MYO1B: variants seen among roughly 807,000 people sequenced by gnomAD.
MYO1B encodes the protein unconventional myosin-Ib.
Under a neutral mutation model 159.7 loss-of-function variants are expected in MYO1B, and 72 were observed. That is an observed-to-expected ratio of 0.45 (90% CI 0.37 to 0.55). The LOEUF is 0.55. MYO1B is among the 20% of genes least tolerant of loss of function. MYO1B has a pLI of 0.00. For synonymous variants in MYO1B, 468 were observed against 473.8 expected, an observed-to-expected ratio of 0.99 and a Z score of 0.16; for missense variants, 1,062 against 1,364.8, an observed-to-expected ratio of 0.78 and a Z score of 3.50.
intron 4 of MYO1B, among the ~76,000 whole-genome samples, chr2:191,341,073 C>T (rs1205398342): frequency 6.6e-6 from 1 of 152,116 alleles, no homozygotes; most frequent in African/African-American, 2.4e-5. Flanking sequence ...TGAAGAAGAG[C>T]AGTCTTTTAA....
At chr2:191,376,805 C>T (rs770728764) in intron 13 of MYO1B, among the ~76,000 whole-genome samples, 9 of 152,172 alleles carry the variant, frequency 5.9e-5, no homozygotes, top group Non-Finnish European at 1.2e-4. Context: ...TATTTACTGT[C>T]TTCCTTTCAA....
intron 4 of MYO1B, 150 bp from the exon 5 acceptor site, chr2:191,341,311 T>C: frequency 3.5e-6 from 2 of 567,802 alleles, no homozygotes; most frequent in East Asian, 6.1e-5. Flanking sequence ...CACAAATATT[T>C]TAGAAAGGTA....
At chr2:191,356,457 G>A (rs1308311709) in intron 7 of MYO1B, among the ~76,000 whole-genome samples, 1 of 150,700 alleles carries the variant, frequency 6.6e-6, no homozygotes, top group African/African-American at 2.4e-5. Flanking sequence ...TTTCAAAAGA[G>A]CAATGCTGTG....
At chr2:191,366,234 C>T (rs1316467394) in intron 11 of MYO1B, among the ~76,000 whole-genome samples, 1 of 152,130 alleles carries the variant, frequency 6.6e-6, no homozygotes, top group Non-Finnish European at 1.5e-5. Flanking sequence ...TTTAATCATC[C>T]TGTATGGGAA....
intron 1 of MYO1B, among the ~76,000 whole-genome samples, chr2:191,260,168 AATAAG>A (rs766426720): frequency 4.0e-5 from 6 of 150,340 alleles, no homozygotes; most frequent in Non-Finnish European, 5.9e-5. Flanking sequence ...CTTTGGTTAA[AATAAG>A]ATTGAGTGGG....
At chr2:191,409,256 T>C in intron 26 of MYO1B, 78 bp downstream of exon 26, 3 of 1,425,504 alleles carry the variant, frequency 2.1e-6, no homozygotes, top group South Asian at 1.2e-5. Flanking sequence ...AAATCAAAAC[T>C]GTTAACACAT....
At chr2:191,408,983 T>TA (rs1246133736) in intron 25 of MYO1B, 61 bp from the exon 26 acceptor site, 2 of 1,527,616 alleles carry the variant, frequency 1.3e-6, no homozygotes, top group African/African-American at 2.8e-5. Flanking sequence ...ATGATGTATG[T>TA]AAAACAGTGT....
At chr2:191,270,686 C>T (rs1687403810) in intron 1 of MYO1B, among the ~76,000 whole-genome samples, 1 of 152,218 alleles carries the variant, frequency 6.6e-6, no homozygotes, top group Admixed American at 6.5e-5. Flanking sequence ...AGACTTGGCT[C>T]CTCTTTTGCC....
intron 2 of MYO1B, among the ~76,000 whole-genome samples, chr2:191,284,680 T>G (rs149811722): frequency 7.6e-4 from 116 of 152,306 alleles, no homozygotes; most frequent in African/African-American, 2.7e-3. Flanking sequence ...TCCCCCAGGC[T>G]GGAGTACAGT....
intron 3 of MYO1B, among the ~76,000 whole-genome samples, chr2:191,326,853 T>C (rs1691131397): frequency 6.6e-6 from 1 of 151,666 alleles, no homozygotes; most frequent in Admixed American, 6.6e-5. Flanking sequence ...TGAAGTAATT[T>C]TGCATTATTT....
chr2:191,422,991 A>G (rs753611060), intron 30 of MYO1B, among the ~76,000 whole-genome samples: 1 of 152,246 alleles, frequency 6.6e-6, no homozygotes, highest in Non-Finnish European at 1.5e-5. Flanking sequence ...GGTAAATTGC[A>G]TTGATACAAT....
chr2:191,346,381 T>G, intron 6 of MYO1B, 99 bp downstream of exon 6: 1 of 739,442 alleles, frequency 1.4e-6, no homozygotes. Context: ...CACACATTTT[T>G]AAAATAAGAG....
chr2:191,334,399 C>A (rs1691691972), intron 4 of MYO1B, among the ~76,000 whole-genome samples: 1 of 152,144 alleles, frequency 6.6e-6, no homozygotes, highest in African/African-American at 2.4e-5. Flanking sequence ...GTTGCTAGTG[C>A]TGTTTCAGAG....
chr2:191,317,508 A>G (rs149233630), intron 3 of MYO1B, among the ~76,000 whole-genome samples: 78 of 152,326 alleles, frequency 5.1e-4, no homozygotes, highest in Middle Eastern at 3.4e-3. Context: ...CTTAAGTTGT[A>G]GGGTACATGT....
chr2:191,381,604 T>C, intron 14 of MYO1B, 38 bp downstream of exon 14: 1 of 1,396,764 alleles, frequency 7.2e-7, no homozygotes, highest in Non-Finnish European at 1.0e-6. Context: ...TGTTGGTCCT[T>C]TTTTACTCGT....
intron 23 of MYO1B, chr2:191,402,376 G>A (rs2126139578): frequency 2.0e-6 from 1 of 490,810 alleles, no homozygotes; most frequent in Non-Finnish European, 3.7e-6. Context: ...GAATGGAAGT[G>A]AGGGGTGGGA....
intron 3 of MYO1B, among the ~76,000 whole-genome samples, chr2:191,321,410 G>C (rs116495079): frequency 6.6e-6 from 1 of 152,116 alleles, no homozygotes; most frequent in African/African-American, 2.4e-5. Context: ...ATTTGTGTTG[G>C]GAATTTGTTT....
intron 13 of MYO1B, chr2:191,381,081 CT>C (rs1695014594): frequency 3.0e-6 from 1 of 337,010 alleles, no homozygotes; most frequent in Admixed American, 4.1e-5. Context: ...CTTCCTTGAG[CT>C]CTGAAGTTTC....
chr2:191,262,011 T>C (rs1422477947), intron 1 of MYO1B, among the ~76,000 whole-genome samples: 1 of 152,208 alleles, frequency 6.6e-6, no homozygotes, highest in Admixed American at 6.5e-5. Flanking sequence ...AGAGAACCTC[T>C]ACTTTAGTCT....
Sources: gnomAD v4.1 joint callset for allele counts (sites outside exome capture counted in the v4.1 genomes callset) on GRCh38, gnomAD v4.1.1 for gene constraint, MANE v1.5 for transcripts, NCBI Gene and HGNC (gene_info 2026-07-23, HGNC 2026-07-21) for gene names.